The following ZKSCAN5 variants were observed in gnomAD, a reference collection of about 807,000 sequenced individuals.
ZKSCAN5 encodes the protein zinc finger with KRAB and SCAN domains 5.
Under a neutral mutation model 60.0 loss-of-function variants are expected in ZKSCAN5, and 28 were observed. The observed-to-expected ratio is 0.47, with a 90% CI of 0.35 to 0.64. The LOEUF is 0.64. Ranked by LOEUF, ZKSCAN5 falls within the 30% of genes least tolerant of loss-of-function variation. The pLI, the probability that ZKSCAN5 is intolerant of heterozygous loss-of-function variation, is 0.01. For synonymous variants in ZKSCAN5, 361 were observed against 371.2 expected (o/e 0.97, Z 0.31); for missense variants, 881 against 1,034.6 (o/e 0.85, Z 2.04).
At position 99,512,496 on chromosome 7, in the gene ZKSCAN5, C is replaced by A; in HGVS notation, c.458C>A (p.Pro153His). 1 of 1,614,028 alleles carries A rather than the reference C, an allele frequency of 6.2e-7. No individual in the cohort carries two copies. The highest frequency in any genetic ancestry group is 8.5e-7 in the Non-Finnish European group (1 of 1,179,930). ...GTGCTTCCTCGGAAGATGGCAACAC[C>A]TGGAGCAGTGCAGGAGTCCTGCAGC... ...PDVLPRKMAT[P>H]GAVQESCSPH... Residue 153 changes from proline to histidine, a missense_variant, in exon 3 of 7, where the codon CCT becomes CAT. Coordinates refer to ENST00000326775, the MANE Select transcript of ZKSCAN5 (RefSeq NM_145102.4).
chr7:99,514,852 A>T (rs1427835798), intron 3 of ZKSCAN5, among the ~76,000 whole-genome samples: 1 of 151,742 alleles, frequency 6.6e-6, no homozygotes, highest in Non-Finnish European at 1.5e-5. Context: ...TGGAGGTTGC[A>T]GTGAGCTGAG....
At position 99,531,207 on chromosome 7, in the gene ZKSCAN5, A is replaced by G. The variant is rs1345194877; in HGVS notation, c.1478A>G (p.Asn493Ser). The G allele has an allele frequency of 3.1e-6, 5 of 1,614,042 alleles. No individual in the cohort carries two copies. The South Asian group carries it at 3.3e-5, about 11-fold the overall frequency. Residue 493 changes from asparagine (N) to serine (S), a missense_variant, in exon 7 of 7, where the codon AAT becomes AGT. Transcript: ENST00000326775. ...DMELSGKTQR[N>S]VSQVQDFGEG... ...GAACTATCTGGAAAAACCCAAAGAA[A>G]TGTTTCTCAAGTTCAAGATTTTGGA...
intron 5 of ZKSCAN5, 49 bp downstream of exon 5, chr7:99,520,353 C>T (rs755598608): frequency 3.2e-6 from 5 of 1,542,712 alleles, no homozygotes; most frequent in Non-Finnish European, 1.7e-6. Context: ...ATTTTGTTAT[C>T]TTGTAAAGAG....
At chr7:99,518,493 C>G (rs73148823) in intron 3 of ZKSCAN5, among the ~76,000 whole-genome samples, 1 of 151,792 alleles carries the variant, frequency 6.6e-6, no homozygotes, top group African/African-American at 2.4e-5. Flanking sequence ...TCACCCCAGG[C>G]CTTTTGAGTC....
In ZKSCAN5 at chr7:99,531,262, T is replaced by C. The variant is rs1048677678; in HGVS notation, c.1533T>C (p.Asp511=). 3 of 1,613,952 alleles carry C rather than the reference T, an allele frequency of 1.9e-6. No homozygotes were observed. In the African/African-American group the frequency reaches 4.0e-5, roughly 22 times the overall value. ...GEGCEFQGKL[D]RKQGIPMKEI... The stretch of plus-strand genomic sequence containing the variant: ...GCTGTGAGTTTCAAGGCAAGCTGGA[T>C]AGAAAGCAGGGAATTCCCATGAAAG... The change falls in exon 7 of 7, where the codon GAT becomes GAC. Residue 511 remains aspartate (D), a synonymous_variant. Transcript: ENST00000326775.
chr7:99,519,916 T>C lies in ZKSCAN5; in HGVS notation c.636+7T>C, dbSNP rs1396349757. The C allele has an allele frequency of 6.2e-7, 1 of 1,613,912 alleles. No homozygotes were observed. Among genetic ancestry groups the C allele is most frequent in the African/African-American group, 1.3e-5 (1 of 74,938 alleles). ...TCTCTCAACTGGGTCCCAGGTGAGC[T>C]GGTGCCCCTTTGCCCTCAGAGAGGA... On this transcript the variant is annotated splice_region_variant and intron_variant, in intron 4 of 6. Transcript: ENST00000326775.
chr7:99,523,459 A>G (rs1253776896), intron 5 of ZKSCAN5, among the ~76,000 whole-genome samples: 1 of 152,160 alleles, frequency 6.6e-6, no homozygotes, highest in African/African-American at 2.4e-5. Context: ...AACCCTTACA[A>G]AATATACAAA....
intron 2 of ZKSCAN5, among the ~76,000 whole-genome samples, chr7:99,512,092 A>G (rs1321296836): frequency 6.6e-6 from 1 of 152,154 alleles, no homozygotes; most frequent in Non-Finnish European, 1.5e-5. Flanking sequence ...CCGTGCGCCC[A>G]GCCCTTCTCA....
At position 99,513,817 on chromosome 7, in the gene ZKSCAN5, C is replaced by G. The variant is rs757717065; in HGVS notation, c.553+1226C>G. ...CAAAGGTGGGTGGATCACCTGAGGT[C>G]AGGAGTTCAAGACCAGCCTGGCCAA... On this transcript the variant is annotated intron_variant, in intron 3 of 6. Transcript: ENST00000326775. The G allele has an allele frequency of 2.0e-5, 5 of 245,754 alleles. 1 individual carries two copies. Among genetic ancestry groups the G allele is most frequent in the South Asian group, 1.7e-4 (5 of 30,140 alleles). The allele number at this position is 245,754 out of a possible 1,614,324, so 15.2% of individuals were successfully genotyped here.
intron 3 of ZKSCAN5, among the ~76,000 whole-genome samples, chr7:99,516,437 C>G (rs1185674792): frequency 2.0e-5 from 3 of 152,150 alleles, no homozygotes; most frequent in African/African-American, 7.2e-5. Context: ...CATCTGTAAC[C>G]ATTGTCCCGT....
intron 6 of ZKSCAN5, among the ~76,000 whole-genome samples, chr7:99,528,665 G>A (rs932484291): frequency 7.9e-5 from 12 of 152,106 alleles, no homozygotes; most frequent in African/African-American, 1.7e-4. Context: ...AGGCTTAAGC[G>A]ATCCTCCAGC....
rs1339140303 is a variant in ZKSCAN5, at chr7:99,531,493, A to G, written c.1764A>G (p.Gln588=). ...RCEECGKSYN[Q]RVHLTQHQRV... Reference sequence around the variant, plus strand: ...AGGAATGTGGGAAAAGCTACAACCAACGCGTGCACCTAACTCAGCATCAGC... The same window carrying G: ...AGGAATGTGGGAAAAGCTACAACCAGCGCGTGCACCTAACTCAGCATCAGC... Residue 588 remains glutamine, a synonymous_variant, in exon 7 of 7, where the codon CAA becomes CAG. Transcript: ENST00000326775. 13 of 1,614,064 alleles carry G rather than the reference A, an allele frequency of 8.1e-6. No individual in the cohort carries two copies. The highest frequency in any genetic ancestry group is 1.1e-5 in the South Asian group (1 of 91,092).
chr7:99,526,360 T>C lies in ZKSCAN5; in HGVS notation c.1320T>C (p.Gly440=). The part of the protein sequence containing the change: ...YGCNECGKNF[G]RHSHLIEHLK... ...GCAATGAGTGTGGGAAGAACTTCGG[T>C]CGCCATTCGCATCTGATCGAACACC... The change falls in exon 6 of 7, where the codon GGT becomes GGC. Residue 440 remains glycine, a synonymous_variant. Coordinates refer to ENST00000326775, the MANE Select transcript of ZKSCAN5 (RefSeq NM_145102.4). 1 of 1,604,972 alleles carries C rather than the reference T, an allele frequency of 6.2e-7. No individual in the cohort carries two copies. Among genetic ancestry groups the C allele is most frequent in the East Asian group, 2.2e-5 (1 of 44,870 alleles).
At position 99,506,287 on chromosome 7, in the gene ZKSCAN5, C is replaced by G. The variant is rs543644398; in HGVS notation, c.243C>G (p.Pro81=). 2.4e-5 allele frequency: 39 copies of G among 1,614,198 alleles called. No individual in the cohort carries two copies. The South Asian group carries it at 3.5e-4, about 15-fold the overall frequency. The change falls in exon 2 of 7, where the codon CCC becomes CCG. Residue 81 remains proline, a synonymous_variant. Coordinates refer to ENST00000326775, the MANE Select transcript of ZKSCAN5 (RefSeq NM_145102.4). ...TGCTCTGCTGTGAGTGGCTGAGGCC[C>G]GAGCTGCACACGAAGGAGCAGATCC... is the stretch of plus-strand genomic sequence containing the variant. ...LRVLCCEWLR[P]ELHTKEQILE...
intron 5 of ZKSCAN5, among the ~76,000 whole-genome samples, chr7:99,524,638 C>A (rs1216065504): frequency 6.6e-6 from 1 of 152,214 alleles, no homozygotes; most frequent in Non-Finnish European, 1.5e-5. Context: ...ACTGAAACAT[C>A]CACGGTTCTA....
At chr7:99,510,867 G>T (rs184918713) in intron 2 of ZKSCAN5, among the ~76,000 whole-genome samples, 1 of 151,958 alleles carries the variant, frequency 6.6e-6, no homozygotes, top group Admixed American at 6.6e-5. Flanking sequence ...TCAGCCTCCC[G>T]AGTAGCTGGG....
At chr7:99,513,960 G>A (rs1801156837) in intron 3 of ZKSCAN5, among the ~76,000 whole-genome samples, 2 of 152,072 alleles carry the variant, frequency 1.3e-5, no homozygotes, top group South Asian at 2.1e-4. Context: ...CATGAGAATC[G>A]TTTGAACCCA....
chr7:99,509,980 CGTTGTCCAGGCT>C (rs1800942837), intron 2 of ZKSCAN5, among the ~76,000 whole-genome samples: 1 of 151,438 alleles, frequency 6.6e-6, no homozygotes, highest in Admixed American at 6.6e-5. Flanking sequence ...GGCCTCACTC[CGTTGTCCAGGCT>C]GGAGTGCAGT....
intron 6 of ZKSCAN5, among the ~76,000 whole-genome samples, chr7:99,529,931 T>A (rs968627593): frequency 1.3e-5 from 2 of 151,614 alleles, no homozygotes; most frequent in Non-Finnish European, 2.9e-5. Flanking sequence ...AGATGGGGTT[T>A]CACTGTCTTG....
Sources: allele counts gnomAD v4.1 joint callset (sites outside exome capture counted in the v4.1 genomes callset), GRCh38; gene constraint gnomAD v4.1.1; transcripts MANE v1.5; gene names NCBI Gene and HGNC (gene_info 2026-07-23, HGNC 2026-07-21).